BAG4: variants seen among roughly 807,000 people sequenced by gnomAD.
The protein encoded by BAG4 is BAG cochaperone 4.
A neutral mutation model predicts 52.1 loss-of-function variants in BAG4; 28 were observed. That is an observed-to-expected ratio of 0.54 (90% CI 0.40 to 0.74). The LOEUF is 0.74. Among genes scored for constraint, BAG4 ranks in the 30% least tolerant of loss-of-function variants. The pLI is 0.00. For synonymous variants in BAG4, 208 were observed against 217.0 expected (o/e 0.96, Z 0.37); for missense variants, 525 against 572.0 (o/e 0.92, Z 0.84).
intron 1 of BAG4, among the ~76,000 whole-genome samples, chr8:38,187,466 A>G (rs1441473043): frequency 2.0e-5 from 3 of 152,230 alleles, no homozygotes; most frequent in Non-Finnish European, 2.9e-5. Flanking sequence ...TGAACACACC[A>G]GCATATCAGA....
At chr8:38,206,416 G>C (rs1803770371) in intron 2 of BAG4, among the ~76,000 whole-genome samples, 1 of 151,982 alleles carries the variant, frequency 6.6e-6, no homozygotes, top group Admixed American at 6.5e-5. Context: ...AGTCTGAATA[G>C]GTTATTTAAA....
intron 2 of BAG4, among the ~76,000 whole-genome samples, chr8:38,200,604 CTT>C (rs1273079032): frequency 6.9e-6 from 1 of 144,828 alleles, no homozygotes. Flanking sequence ...TTCTTTTTTT[CTT>C]TTTTTTTTTG....
chr8:38,201,853 TATATATATATATATATA>T, intron 2 of BAG4: 1 of 6,460 alleles, frequency 1.5e-4, no homozygotes, highest in Non-Finnish European at 6.5e-4. Context: ...TATATATATA[TATATATATATATATATA>T]TATATATATA....
chr8:38,210,024 A>G lies in BAG4; in HGVS notation c.905A>G (p.Tyr302Cys), dbSNP rs1221260002. 6.2e-7 allele frequency: 1 copy of G among 1,614,152 alleles called. No homozygotes were observed. The highest frequency in any genetic ancestry group is 8.5e-7 in the Non-Finnish European group (1 of 1,180,016). The change falls in exon 5 of 5, where the codon TAT (tyrosine) becomes TGT (cysteine). Residue 302 changes from tyrosine (Y) to cysteine (C), a missense_variant. Tyr to Cys is a radical substitution (Grantham distance 194). Transcript: ENST00000287322. ...CACTCCAAGGATTCTTCATACCCCTATAGCCAATCAGATCAAAGCATGAAC... is the reference window on the plus strand; with the variant it reads ...CACTCCAAGGATTCTTCATACCCCTGTAGCCAATCAGATCAAAGCATGAAC... ...VQQPKDSSYP[Y>C]SQSDQSMNRH... is the part of the protein sequence containing the mutation.
chr8:38,210,472 ATT>A lies in BAG4; in HGVS notation c.1354_1355del (p.Leu452ArgfsTer73). On this transcript the variant is annotated frameshift_variant, in exon 5 of 5. Transcript: ENST00000287322. LOFTEE classifies it high-confidence loss of function. ...VCKIQAILEK[L>X]EKKGL ...GTAAGATTCAGGCCATACTGGAAAA[ATT>A]AGAAAAAAAAGGATTATGAAAGGAT... is the stretch of plus-strand genomic sequence containing the variant. 1 of 1,574,478 alleles carries A rather than the reference ATT, an allele frequency of 6.4e-7. No homozygotes were observed. Among genetic ancestry groups the A allele is most frequent in the Non-Finnish European group, 8.6e-7 (1 of 1,167,974 alleles).
intron 2 of BAG4, among the ~76,000 whole-genome samples, chr8:38,198,406 C>T (rs1162000910): frequency 1.4e-5 from 2 of 143,572 alleles, no homozygotes; most frequent in South Asian, 2.3e-4. Flanking sequence ...AAAAAGTTTT[C>T]TTTCTTTTTT....
At chr8:38,180,242 G>A (rs1214447283) in intron 1 of BAG4, among the ~76,000 whole-genome samples, 3 of 152,062 alleles carry the variant, frequency 2.0e-5, no homozygotes, top group Non-Finnish European at 2.9e-5. Context: ...ATGTATGTTG[G>A]CCGGGCGTGG....
At position 38,210,553 on chromosome 8, in the gene BAG4, T is replaced by C; in HGVS notation, c.*60T>C. 1 of 1,500,664 alleles carries C rather than the reference T, an allele frequency of 6.7e-7. No homozygotes were observed. The highest frequency in any genetic ancestry group is 1.8e-4 in the Middle Eastern group (1 of 5,458). 93.0% of individuals were successfully genotyped at this position (1,500,664 alleles called of 1,614,324 possible). A position where few individuals can be genotyped will look rare whatever the true frequency, so the allele number is the denominator to read the frequency against. ...CTTGACCAAAGAACACTTGATTTGGTTAATTACCCTCTTTTTGAAATGCCT... is the reference window on the plus strand; with the variant it reads ...CTTGACCAAAGAACACTTGATTTGGCTAATTACCCTCTTTTTGAAATGCCT... On this transcript the variant is annotated 3_prime_UTR_variant, in exon 5 of 5. Transcript: ENST00000287322.
intron 2 of BAG4, among the ~76,000 whole-genome samples, chr8:38,206,340 C>T (rs527312125): frequency 6.6e-6 from 1 of 151,038 alleles, no homozygotes; most frequent in South Asian, 2.1e-4. Flanking sequence ...CAGGCATGAG[C>T]CTGTGCGCCT....
At chr8:38,184,752 A>G (rs979989459) in intron 1 of BAG4, among the ~76,000 whole-genome samples, 10 of 152,264 alleles carry the variant, frequency 6.6e-5, no homozygotes, top group African/African-American at 2.4e-4. Flanking sequence ...GGAGGGAGAA[A>G]GGTTTGTAGA....
intron 1 of BAG4, among the ~76,000 whole-genome samples, chr8:38,189,384 A>T (rs1803430388): frequency 6.6e-6 from 1 of 152,184 alleles, no homozygotes; most frequent in South Asian, 2.1e-4. Context: ...AATAAATTCC[A>T]CTGAGGACGT....
At chr8:38,179,462 T>A (rs1273201301) in intron 1 of BAG4, among the ~76,000 whole-genome samples, 1 of 151,878 alleles carries the variant, frequency 6.6e-6, no homozygotes, top group East Asian at 2.0e-4. Flanking sequence ...CGGCCAAGAT[T>A]AATTATAAAT....
intron 1 of BAG4, among the ~76,000 whole-genome samples, chr8:38,179,241 C>T (rs1172432546): frequency 6.6e-6 from 1 of 152,032 alleles, no homozygotes; most frequent in African/African-American, 2.4e-5. Context: ...CTCACTGCAA[C>T]CTCTGCCTCC....
intron 2 of BAG4, chr8:38,201,600 G>T (rs1053352455): frequency 6.6e-6 from 1 of 151,798 alleles, no homozygotes; most frequent in Non-Finnish European, 1.5e-5. Flanking sequence ...ATTGCACTTG[G>T]TCTAGCTTCT....
intron 1 of BAG4, 144 bp from the exon 2 acceptor site, chr8:38,192,544 C>A (rs1328425877): frequency 1.2e-5 from 7 of 588,804 alleles, no homozygotes; most frequent in Non-Finnish European, 2.0e-5. Flanking sequence ...AGTAGTGGGA[C>A]AAGAAGCGTG....
In BAG4 at chr8:38,176,966, C is replaced by T. The variant is rs1803166971; in HGVS notation, c.97C>T (p.Pro33Ser). 6.4e-7 allele frequency: 1 copy of T among 1,572,702 alleles called. No individual in the cohort carries two copies. Among genetic ancestry groups the T allele is most frequent in the Non-Finnish European group, 8.6e-7 (1 of 1,159,268 alleles). ...PGGGDVPVHP[P>S]PPLYPLRPEP... ...GGGTGGAGATGTGCCGGTACACCCA[C>T]CTCCACCCTTATATCCTCTTCGCCC... Residue 33 changes from proline (P) to serine (S), a missense_variant, in exon 1 of 5, where the codon CCT becomes TCT. By Grantham distance (74) the Pro-to-Ser change is moderately conservative. This residue lies in a region of BAG4 where 287 missense variants were observed against 266.1 expected (regional missense o/e 1.08). Transcript: ENST00000287322.
chr8:38,198,468 G>A (rs186785934), intron 2 of BAG4, among the ~76,000 whole-genome samples: 4 of 143,878 alleles, frequency 2.8e-5, no homozygotes, highest in Admixed American at 7.0e-5. Context: ...TGTTTTTAAG[G>A]TTTTTTTGTT....
intron 1 of BAG4, among the ~76,000 whole-genome samples, chr8:38,184,582 G>A (rs149784742): frequency 6.6e-5 from 10 of 152,302 alleles, no homozygotes; most frequent in African/African-American, 2.2e-4. Flanking sequence ...CTCTGAGGAC[G>A]TTCGGGTCGG....
intron 1 of BAG4, among the ~76,000 whole-genome samples, chr8:38,188,593 A>G (rs189020665): frequency 6.7e-6 from 1 of 150,366 alleles, no homozygotes; most frequent in East Asian, 1.9e-4. Context: ...ATACACATAT[A>G]TATATGCATG....
Sources: gnomAD v4.1 joint callset for allele counts (sites outside exome capture counted in the v4.1 genomes callset) on GRCh38, gnomAD v4.1.1 for gene constraint, gnomAD v4.1.1 regional missense constraint, MANE v1.5 for transcripts, NCBI Gene and HGNC (gene_info 2026-07-23, HGNC 2026-07-21) for gene names.